The following GADL1 variants were observed in gnomAD, a reference collection of about 807,000 sequenced individuals.
GADL1 encodes GAD like acidic amino acid decarboxylase 1, also known as acidic amino acid decarboxylase GADL1.
In GADL1, 71 loss-of-function variants were observed where a neutral mutation model predicts 69.5. That is an observed-to-expected ratio of 1.02 (90% CI 0.84 to 1.25). The LOEUF (loss-of-function observed/expected upper bound fraction) is 1.25, where lower values mean the gene tolerates loss of function less well. Ranked by LOEUF, GADL1 falls within the 50% of genes most tolerant of loss-of-function variation. GADL1 has a pLI of 0.00. For missense variants in GADL1, 737 were observed against 631.8 expected, an observed-to-expected ratio of 1.17 and a Z score of -1.79; for synonymous variants, 254 against 214.4, an observed-to-expected ratio of 1.18 and a Z score of -1.62.
intron 11 of GADL1, among the ~76,000 whole-genome samples, chr3:30,813,664 G>A (rs1239173287): frequency 3.9e-5 from 6 of 152,216 alleles, no homozygotes; most frequent in Non-Finnish European, 7.3e-5. Flanking sequence ...GTATAGGTAG[G>A]AGATTGATTT....
intron 1 of GADL1, among the ~76,000 whole-genome samples, chr3:30,865,626 T>G (rs1466505229): frequency 6.6e-6 from 1 of 151,982 alleles, no homozygotes. Flanking sequence ...ACACAGTTAA[T>G]GGGCTAGAGA....
At chr3:30,761,917 GTATATGTAT>G (rs1696143650) in intron 14 of GADL1, among the ~76,000 whole-genome samples, 1 of 152,120 alleles carries the variant, frequency 6.6e-6, no homozygotes, top group East Asian at 1.9e-4. Flanking sequence ...ATATGCATGT[GTATATGTAT>G]TATATGTATA....
chr3:30,819,810 T>C (rs1375435349), intron 11 of GADL1, among the ~76,000 whole-genome samples: 1 of 152,082 alleles, frequency 6.6e-6, no homozygotes, highest in African/African-American at 2.4e-5. Flanking sequence ...ACATGGCATA[T>C]ATTATGCTAA....
intron 14 of GADL1, among the ~76,000 whole-genome samples, chr3:30,767,874 T>C (rs1696320854): frequency 1.3e-5 from 2 of 152,102 alleles, no homozygotes; most frequent in African/African-American, 2.4e-5. Context: ...TTCAAATTTA[T>C]AAGGAAAAAC....
intron 1 of GADL1, among the ~76,000 whole-genome samples, chr3:30,888,786 A>G (rs1023859059): frequency 5.3e-5 from 8 of 152,006 alleles, no homozygotes; most frequent in African/African-American, 1.7e-4. Flanking sequence ...TTAAGACTGA[A>G]AAAGAGTTCC....
intron 13 of GADL1, among the ~76,000 whole-genome samples, chr3:30,783,084 G>T (rs1334076311): frequency 6.6e-6 from 1 of 152,190 alleles, no homozygotes; most frequent in Non-Finnish European, 1.5e-5. Flanking sequence ...ATCACAGGTT[G>T]ACCACCTGTT....
intron 8 of GADL1, among the ~76,000 whole-genome samples, chr3:30,843,051 A>AG (rs1421683876): frequency 2.0e-5 from 3 of 151,992 alleles, no homozygotes; most frequent in Admixed American, 6.6e-5. Context: ...AACTCCTATG[A>AG]GGATAGATAC....
At chr3:30,732,640 G>A (rs1387515546) in intron 14 of GADL1, among the ~76,000 whole-genome samples, 2 of 152,150 alleles carry the variant, frequency 1.3e-5, no homozygotes, top group African/African-American at 4.8e-5. Context: ...TCGATAAAAA[G>A]CTTCTGACCA....
chr3:30,790,070 A>G (rs1303199888), intron 12 of GADL1, among the ~76,000 whole-genome samples: 1 of 152,200 alleles, frequency 6.6e-6, no homozygotes, highest in Non-Finnish European at 1.5e-5. Context: ...GGCTTTTGGC[A>G]TGCCATCCTC....
chr3:30,748,905 T>A (rs1695754738), intron 14 of GADL1, among the ~76,000 whole-genome samples: 1 of 152,220 alleles, frequency 6.6e-6, no homozygotes, highest in Non-Finnish European at 1.5e-5. Flanking sequence ...GGGATGTTGA[T>A]CCATGTGCTG....
At chr3:30,783,843 C>T (rs1041692207) in intron 13 of GADL1, among the ~76,000 whole-genome samples, 25 of 152,192 alleles carry the variant, frequency 1.6e-4, no homozygotes, top group East Asian at 9.6e-4. Context: ...TTCCTAATGA[C>T]GATGGTAAGT....
intron 14 of GADL1, among the ~76,000 whole-genome samples, chr3:30,764,167 TAA>T (rs35247687): frequency 0.46 from 70,475 of 151,706 alleles, 16,507 homozygotes; most frequent in African/African-American, 0.54. Flanking sequence ...ATTTTATACT[TAA>T]AGTTTTTCAA....
intron 12 of GADL1, among the ~76,000 whole-genome samples, chr3:30,787,958 ATAT>A (rs1427643039): frequency 3.9e-5 from 6 of 152,248 alleles, no homozygotes; most frequent in African/African-American, 9.6e-5. Context: ...TATTTCAAAG[ATAT>A]TATCTATATG....
At chr3:30,757,055 T>C (rs1203352805) in intron 14 of GADL1, among the ~76,000 whole-genome samples, 1 of 152,174 alleles carries the variant, frequency 6.6e-6, no homozygotes, top group East Asian at 1.9e-4. Flanking sequence ...TTCCAGGGTG[T>C]TGGTGGTAGT....
At chr3:30,755,958 C>G (rs901126580) in intron 14 of GADL1, among the ~76,000 whole-genome samples, 1 of 152,096 alleles carries the variant, frequency 6.6e-6, no homozygotes, top group Non-Finnish European at 1.5e-5. Context: ...AAGCTGCCTC[C>G]TATATGCAGA....
chr3:30,763,000 C>A (rs1007439841), intron 14 of GADL1, among the ~76,000 whole-genome samples: 1 of 152,210 alleles, frequency 6.6e-6, no homozygotes. Context: ...GCTCCCAAAT[C>A]TTAGCTATTG....
intron 8 of GADL1, among the ~76,000 whole-genome samples, chr3:30,842,702 T>A (rs1697987146): frequency 6.6e-6 from 1 of 151,414 alleles, no homozygotes; most frequent in African/African-American, 2.4e-5. Flanking sequence ...TAGAAAACAA[T>A]ATCTGTGGTT....
intron 1 of GADL1, among the ~76,000 whole-genome samples, chr3:30,867,067 G>T (rs1381691545): frequency 6.6e-6 from 1 of 151,906 alleles, no homozygotes; most frequent in Admixed American, 6.6e-5. Context: ...ACCTCTCTGT[G>T]CCTGTTTTCT....
chr3:30,835,177 G>A lies in GADL1; in HGVS notation c.904-896C>T, dbSNP rs146409087. ...AAGGTCTCGCCAATGACAAAAATCA[G>A]ATCTGAGATTCAAAGCCCATTCTCC... is the stretch of plus-strand genomic sequence containing the variant. On this transcript the variant is annotated intron_variant, in intron 9 of 14. Transcript: ENST00000282538. Among the ~76,000 whole-genome samples, 1,015 of 152,118 alleles carry A rather than the reference G, an allele frequency of 6.7e-3. 5 individuals are homozygous for A. The highest frequency in any genetic ancestry group is 9.9e-3 in the Non-Finnish European group (675 of 67,976).
Sources: gnomAD v4.1 joint callset for allele counts (sites outside exome capture counted in the v4.1 genomes callset) on GRCh38, gnomAD v4.1.1 for gene constraint, MANE v1.5 for transcripts, NCBI Gene and HGNC (gene_info 2026-07-23, HGNC 2026-07-21) for gene names.